The following GSK3B variants were observed in gnomAD, a reference collection of about 807,000 sequenced individuals.
GSK3B encodes glycogen synthase kinase-3 beta.
In GSK3B, 15 loss-of-function variants were observed where a neutral mutation model predicts 56.4. That is an observed-to-expected ratio of 0.27 (90% CI 0.18 to 0.41). The LOEUF (loss-of-function observed/expected upper bound fraction) is 0.41. Ranked by LOEUF, GSK3B falls within the 10% of genes least tolerant of loss-of-function variation. The pLI is 1.00. For synonymous variants in GSK3B, 181 were observed against 188.9 expected (o/e 0.96, Z 0.34); for missense variants, 300 against 513.4 (o/e 0.58, Z 4.02).
At chr3:119,966,831 T>C (rs1221617234) in intron 2 of GSK3B, among the ~76,000 whole-genome samples, 1 of 151,828 alleles carries the variant, frequency 6.6e-6, no homozygotes, top group Non-Finnish European at 1.5e-5. Flanking sequence ...AATAATGAAG[T>C]ACTAGCAAAG....
At chr3:119,865,018 C>T (rs1363747807) in intron 8 of GSK3B, among the ~76,000 whole-genome samples, 3 of 152,070 alleles carry the variant, frequency 2.0e-5, no homozygotes, top group South Asian at 4.1e-4. Context: ...GTCAAGGAAA[C>T]CTTAGAGTTA....
At chr3:120,078,542 CCTCTT>C (rs1431597511) in intron 1 of GSK3B, among the ~76,000 whole-genome samples, 3 of 146,442 alleles carry the variant, frequency 2.0e-5, no homozygotes, top group Non-Finnish European at 4.5e-5. Context: ...TAGAACTTCT[CCTCTT>C]TTTTTTTTTT....
intron 7 of GSK3B, among the ~76,000 whole-genome samples, chr3:119,889,360 C>T (rs1162071348): frequency 1.3e-5 from 2 of 151,944 alleles, no homozygotes; most frequent in Non-Finnish European, 2.9e-5. Context: ...CTATAAACAA[C>T]AAATATTGTA....
At chr3:120,003,650 C>T (rs1390043840) in intron 1 of GSK3B, among the ~76,000 whole-genome samples, 1 of 152,060 alleles carries the variant, frequency 6.6e-6, no homozygotes, top group African/African-American at 2.4e-5. Context: ...TATCCAAATG[C>T]ACTAGTGGAA....
chr3:119,904,754 G>C (rs1481964318), intron 7 of GSK3B, among the ~76,000 whole-genome samples: 1 of 152,068 alleles, frequency 6.6e-6, no homozygotes, highest in Non-Finnish European at 1.5e-5. Context: ...GAAAATACTA[G>C]AAAACCATTT....
intron 3 of GSK3B, among the ~76,000 whole-genome samples, chr3:119,928,962 T>C (rs1385002793): frequency 1.3e-5 from 2 of 152,212 alleles, no homozygotes; most frequent in African/African-American, 4.8e-5. Context: ...TTTAGCTATT[T>C]TCATCCTTAA....
At chr3:119,974,667 C>CTGAACAGATACCTCATCAAAAGAGG (rs2057395351) in intron 2 of GSK3B, among the ~76,000 whole-genome samples, 1 of 152,114 alleles carries the variant, frequency 6.6e-6, no homozygotes, top group Admixed American at 6.5e-5. Context: ...AAGACAAGAC[C>CTGAACAGATACCTCATCAAAAGAGG]TGAACAGATA....
At chr3:119,980,274 C>T (rs969606378) in intron 2 of GSK3B, among the ~76,000 whole-genome samples, 3 of 152,088 alleles carry the variant, frequency 2.0e-5, no homozygotes, top group African/African-American at 4.8e-5. Context: ...ATACTTTTCT[C>T]GGCCAAATAC....
At chr3:120,075,313 C>A (rs1227956601) in intron 1 of GSK3B, among the ~76,000 whole-genome samples, 1 of 152,048 alleles carries the variant, frequency 6.6e-6, no homozygotes, top group East Asian at 1.9e-4. Context: ...CCTCTAAGAC[C>A]TGATACAAGG....
chr3:120,034,894 C>T (rs1298303209), intron 1 of GSK3B, among the ~76,000 whole-genome samples: 1 of 152,050 alleles, frequency 6.6e-6, no homozygotes, highest in East Asian at 1.9e-4. Context: ...AGGTCAGGAG[C>T]TCATGACCAC....
At chr3:120,006,968 A>T (rs2057734693) in intron 1 of GSK3B, among the ~76,000 whole-genome samples, 1 of 152,144 alleles carries the variant, frequency 6.6e-6, no homozygotes, top group Non-Finnish European at 1.5e-5. Flanking sequence ...AAAAAAAATA[A>T]ATGAATCCAG....
At chr3:119,843,598 G>A in intron 9 of GSK3B, 1 of 209,550 alleles carries the variant, frequency 4.8e-6, no homozygotes, top group South Asian at 6.3e-5. Flanking sequence ...CAAAAATTAG[G>A]GGATCAATGC....
At chr3:119,973,204 G>A (rs1257011109) in intron 2 of GSK3B, among the ~76,000 whole-genome samples, 14 of 152,076 alleles carry the variant, frequency 9.2e-5, no homozygotes, top group Admixed American at 7.9e-4. Context: ...CCGCACTTTC[G>A]CTTTCCACAG....
chr3:119,838,592 G>A (rs1288821022), intron 10 of GSK3B, among the ~76,000 whole-genome samples: 2 of 152,098 alleles, frequency 1.3e-5, no homozygotes, highest in East Asian at 3.9e-4. Context: ...ATTAGGATGA[G>A]TATTTCCATG....
intron 9 of GSK3B, among the ~76,000 whole-genome samples, chr3:119,861,661 G>A (rs1301462806): frequency 2.6e-5 from 4 of 152,158 alleles, no homozygotes; most frequent in Non-Finnish European, 1.5e-5. Context: ...CAAAGACCGT[G>A]AGAAAGTACT....
intron 2 of GSK3B, among the ~76,000 whole-genome samples, chr3:119,999,800 T>A (rs1172516375): frequency 6.6e-6 from 1 of 151,986 alleles, no homozygotes; most frequent in Non-Finnish European, 1.5e-5. Flanking sequence ...AAAAGCAGAG[T>A]GGTCATAGAG....
intron 1 of GSK3B, among the ~76,000 whole-genome samples, chr3:120,050,817 CAGT>C (rs548494261): frequency 2.7e-4 from 41 of 152,102 alleles, no homozygotes; most frequent in Non-Finnish European, 4.3e-4. Context: ...CTGGTCAAAG[CAGT>C]AGAATTAATA....
rs1035565464 is a variant in GSK3B, at chr3:120,094,111, G to A, written c.-677C>T. ...GCTGCAGGCGGCGGCTGGATCCAGCGGCCATGGCGGTGGCGGAGGCAGCTC... is the reference window on the plus strand; with the variant it reads ...GCTGCAGGCGGCGGCTGGATCCAGCAGCCATGGCGGTGGCGGAGGCAGCTC... On this transcript the variant is annotated 5_prime_UTR_variant, in exon 1 of 11. Transcript: ENST00000264235. 2.6e-5 allele frequency: 6 copies of A among 229,360 alleles called. No individual in the cohort carries two copies. The highest frequency in any genetic ancestry group is 1.1e-4 in the African/African-American group (5 of 44,620). 14.2% of individuals were successfully genotyped at this position (229,360 alleles called of 1,614,324 possible).
intron 1 of GSK3B, among the ~76,000 whole-genome samples, chr3:120,084,002 G>C (rs2058443405): frequency 6.6e-6 from 1 of 152,280 alleles, no homozygotes; most frequent in Admixed American, 6.5e-5. Context: ...GGCTGCTAAT[G>C]GGTATAAGCT....
Sources: gnomAD v4.1 joint callset for allele counts (sites outside exome capture counted in the v4.1 genomes callset) on GRCh38, gnomAD v4.1.1 for gene constraint, MANE v1.5 for transcripts, NCBI Gene and HGNC (gene_info 2026-07-23, HGNC 2026-07-21) for gene names.